The following DCDC2B variants were observed in gnomAD, a reference collection of about 807,000 sequenced individuals.
The protein encoded by DCDC2B is doublecortin domain-containing protein 2B.
DCDC2B carries 41 observed loss-of-function variants against 38.9 expected under a neutral mutation model. The ratio of observed to expected loss-of-function variants is 1.05; its 90% CI spans 0.82 to 1.37. The LOEUF is 1.37. Among genes scored for constraint, DCDC2B ranks in the 40% most tolerant of loss-of-function variants. The pLI, the probability that DCDC2B is intolerant of heterozygous loss-of-function variation, is 0.00. For synonymous variants in DCDC2B, 181 were observed against 171.9 expected (o/e 1.05, Z -0.41); for missense variants, 453 against 427.2 (o/e 1.06, Z -0.53).
intron 6 of DCDC2B, among the ~76,000 whole-genome samples, chr1:32,213,509 T>G (rs1262071768): frequency 2.8e-5 from 4 of 144,544 alleles, no homozygotes; most frequent in Admixed American, 2.7e-4. Context: ...GCTAATTTTT[T>G]TTTTTTTTTT....
chr1:32,215,622 AAC>A (rs1235413307), intron 8 of DCDC2B, 79 bp downstream of exon 8: 2 of 1,351,562 alleles, frequency 1.5e-6, no homozygotes, highest in Non-Finnish European at 1.0e-6. Flanking sequence ...GGGCCCCAGG[AAC>A]AGTTCTCCTC....
At chr1:32,212,447 A>G in intron 4 of DCDC2B, 43 bp from the exon 5 acceptor site, 2 of 1,605,880 alleles carry the variant, frequency 1.2e-6, no homozygotes, top group Non-Finnish European at 1.7e-6. Flanking sequence ...GTGAAGAAGC[A>G]TCGAGTCTAC....
rs1424130979 is a variant in DCDC2B, at chr1:32,211,309, A to G, written c.304A>G (p.Ser102Gly). 1 of 1,613,910 alleles carries G rather than the reference A, an allele frequency of 6.2e-7. No homozygotes were observed. Among genetic ancestry groups the G allele is most frequent in the Non-Finnish European group, 8.5e-7 (1 of 1,179,862 alleles). The change falls in exon 2 of 9, where the codon AGC becomes GGC. Residue 102 changes from serine (S) to glycine (G), a missense_variant. Physicochemically the swap from Ser to Gly is moderately conservative, Grantham distance 56. Coordinates refer to ENST00000409358, the MANE Select transcript of DCDC2B (RefSeq NM_001099434.2). ...TAGAGGGAAGGACCCAGGTGGGAAG[A>G]GCTGCAGACTACAAGTGAGTCCCGG... ...PHRGKDPGGK[S>G]CRLQGPPVTR... is the part of the protein sequence containing the mutation.
chr1:32,215,971 T>G lies in DCDC2B; in HGVS notation c.*74T>G. Reference sequence around the variant, plus strand: ...TTTGTCCTTAGCCTCCAGCAGCTTGTTCCTCAGGAGCCAGCACCTCCGCTG... The same window carrying G: ...TTTGTCCTTAGCCTCCAGCAGCTTGGTCCTCAGGAGCCAGCACCTCCGCTG... On this transcript the variant is annotated 3_prime_UTR_variant, in exon 9 of 9. Transcript: ENST00000409358. 1 of 1,274,038 alleles carries G rather than the reference T, an allele frequency of 7.8e-7. No homozygotes were observed. The highest frequency in any genetic ancestry group is 1.1e-6 in the Non-Finnish European group (1 of 900,022). The allele number at this position is 1,274,038 out of a possible 1,614,324, so 78.9% of individuals were successfully genotyped here.
At chr1:32,215,365 A>G in intron 7 of DCDC2B, 75 bp from the exon 8 acceptor site, 1 of 1,249,478 alleles carries the variant, frequency 8.0e-7, no homozygotes, top group Non-Finnish European at 1.1e-6. Context: ...GAAAGGGGCT[A>G]GCATGAAGGT....
At chr1:32,211,703 C>T in intron 2 of DCDC2B, 58 bp from the exon 3 acceptor site, 5 of 1,540,116 alleles carry the variant, frequency 3.2e-6, no homozygotes, top group Non-Finnish European at 4.4e-6. Context: ...CTTGGATGGG[C>T]CCACCCCTAA....
chr1:32,212,172 G>A lies in DCDC2B; in HGVS notation c.498G>A (p.Lys166=), dbSNP rs200743642. The A allele has an allele frequency of 2.9e-4, 475 of 1,613,696 alleles. No homozygotes were observed. Among genetic ancestry groups the A allele is most frequent in the Non-Finnish European group, 4.3e-5 (51 of 1,179,860 alleles). ...CTGTGTTGAAGCTCCTGACTGAGAA[G>A]GTCAAGTTGCAGAGTGGGGCTGTGT... ...WETVLKLLTE[K]VKLQSGAVCK... is the part of the protein sequence containing the mutation. The change falls in exon 4 of 9, where the codon AAG becomes AAA. Residue 166 remains lysine (K), a synonymous_variant. Coordinates refer to ENST00000409358, the MANE Select transcript of DCDC2B (RefSeq NM_001099434.2).
At chr1:32,212,827 G>A in intron 6 of DCDC2B, 34 bp downstream of exon 6, 4 of 1,610,134 alleles carry the variant, frequency 2.5e-6, no homozygotes, top group Non-Finnish European at 3.4e-6. Context: ...GGGGTGGGAA[G>A]AAGGGGAGTG....
Position 32,215,483 on chromosome 1 carries a change from AGCGGGG to A in DCDC2B, c.897_902del (p.Gly300_Ala301del), listed in dbSNP as rs778367462. On this transcript the variant is annotated inframe_deletion, in exon 8 of 9. Coordinates refer to ENST00000409358, the MANE Select transcript of DCDC2B (RefSeq NM_001099434.2). ...GAGCTCCCCACCGAAGGAAGGAGAC[AGCGGGG>A]GCCCTGGAAGTAGCAGATGATGAAG... 1 of 1,613,686 alleles carries A rather than the reference AGCGGGG, an allele frequency of 6.2e-7. No homozygotes were observed. Among genetic ancestry groups the A allele is most frequent in the East Asian group, 2.2e-5 (1 of 44,874 alleles).
At chr1:32,211,358 G>A (rs761475363) in intron 2 of DCDC2B, 35 bp downstream of exon 2, 1 of 1,611,074 alleles carries the variant, frequency 6.2e-7, no homozygotes, top group Non-Finnish European at 8.5e-7. Context: ...CAGCCCCTCT[G>A]TCTTCCCACT....
In DCDC2B at chr1:32,215,850, G is replaced by A; in HGVS notation, c.1003G>A (p.Gly335Arg). The change falls in exon 9 of 9, where the codon GGG becomes AGG. Residue 335 changes from glycine to arginine, a missense_variant. Coordinates refer to ENST00000409358, the MANE Select transcript of DCDC2B (RefSeq NM_001099434.2). ...EEALSLENQP[G>R]AGAAISASAP... ...GGCCTTGTCCCTGGAAAACCAGCCT[G>A]GGGCTGGGGCTGCTATCTCAGCCTC... is the stretch of plus-strand genomic sequence containing the variant. 6.4e-7 allele frequency: 1 copy of A among 1,552,966 alleles called. No homozygotes were observed. The highest frequency in any genetic ancestry group is 8.7e-7 in the Non-Finnish European group (1 of 1,147,790).
intron 6 of DCDC2B, 144 bp downstream of exon 6, chr1:32,212,937 C>T: frequency 9.6e-7 from 1 of 1,041,864 alleles, no homozygotes; most frequent in Non-Finnish European, 1.4e-6. Flanking sequence ...GTAGTCCAGG[C>T]TGGAGTGCAG....
Position 32,215,811 on chromosome 1 carries a change from C to T in DCDC2B, c.964C>T (p.Gln322Ter). The stretch of plus-strand genomic sequence containing the variant: ...CTTCCACCTCCTGCAGAGGGCAGCA[C>T]AGATAGTGGAAGAGGCCTTGTCCCT... Reference protein sequence around the residue: ...TEEPLDQRAAQIVEEALSLEN... With the variant: ...TEEPLDQRAA Residue 322 changes from glutamine to a stop codon, truncating the protein, a stop_gained, in exon 9 of 9, where the codon CAG (glutamine) becomes TAG (stop). Coordinates refer to ENST00000409358, the MANE Select transcript of DCDC2B (RefSeq NM_001099434.2). LOFTEE classifies it low-confidence loss of function (END_TRUNC). 6.4e-7 allele frequency: 1 copy of T among 1,552,414 alleles called. No homozygotes were observed. Among genetic ancestry groups the T allele is most frequent in the South Asian group, 1.2e-5 (1 of 84,086 alleles).
At chr1:32,212,405 A>G in intron 4 of DCDC2B, 85 bp from the exon 5 acceptor site, 1 of 1,571,438 alleles carries the variant, frequency 6.4e-7, no homozygotes, top group Non-Finnish European at 8.7e-7. Context: ...GCACCTTGGA[A>G]TAGCTGCACC....
At chr1:32,210,429 C>T (rs1015706956) in intron 1 of DCDC2B, among the ~76,000 whole-genome samples, 4 of 150,534 alleles carry the variant, frequency 2.7e-5, no homozygotes, top group African/African-American at 9.8e-5. Context: ...ACCCGTGAGG[C>T]GGAGGTTGCA....
intron 5 of DCDC2B, 33 bp from the exon 6 acceptor site, chr1:32,212,721 G>T (rs1286239409): frequency 6.2e-7 from 1 of 1,613,654 alleles, no homozygotes; most frequent in African/African-American, 1.3e-5. Context: ...TATGCCCTCT[G>T]CCCACTACAA....
chr1:32,212,035 G>A, intron 3 of DCDC2B, 35 bp from the exon 4 acceptor site: 1 of 1,602,236 alleles, frequency 6.2e-7, no homozygotes, highest in Non-Finnish European at 8.5e-7. Context: ...AGGGACTCCT[G>A]GGGACACTCC....
intron 7 of DCDC2B, 44 bp from the exon 8 acceptor site, chr1:32,215,396 G>A (rs1281451647): frequency 1.3e-6 from 2 of 1,524,872 alleles, no homozygotes; most frequent in East Asian, 2.3e-5. Flanking sequence ...AATGCTGAGG[G>A]CTCTTCAGCC....
At chr1:32,214,473 A>T in intron 6 of DCDC2B, 1 of 293,316 alleles carries the variant, frequency 3.4e-6, no homozygotes, top group Non-Finnish European at 6.5e-6. Context: ...TTGGCACAGC[A>T]GGGTCCAAGG....
Sources: allele counts gnomAD v4.1 joint callset (sites outside exome capture counted in the v4.1 genomes callset), GRCh38; gene constraint gnomAD v4.1.1; transcripts MANE v1.5; gene names NCBI Gene and HGNC (gene_info 2026-07-23, HGNC 2026-07-21).